UST: variants seen among roughly 807,000 people sequenced by gnomAD.
The protein encoded by UST is uronyl 2-sulfotransferase.
In UST, 21 loss-of-function variants were observed where a neutral mutation model predicts 45.6. The observed-to-expected ratio is 0.46, with a 90% confidence interval of 0.33 to 0.66. The LOEUF (loss-of-function observed/expected upper bound fraction) is 0.66. Ranked by LOEUF, UST falls within the 30% of genes least tolerant of loss-of-function variation. UST has a pLI of 0.02. For missense variants in UST, 463 were observed against 512.4 expected, an observed-to-expected ratio of 0.90 and a Z score of 0.93; for synonymous variants, 215 against 200.6, an observed-to-expected ratio of 1.07 and a Z score of -0.61.
intron 7 of UST, among the ~76,000 whole-genome samples, chr6:149,044,412 TC>T: frequency 6.6e-6 from 1 of 152,336 alleles, no homozygotes; most frequent in Non-Finnish European, 1.5e-5. Flanking sequence ...GTCTCCCATT[TC>T]CCCTCACTCT....
intron 2 of UST, among the ~76,000 whole-genome samples, chr6:148,914,158 T>C (rs770567259): frequency 3.3e-5 from 5 of 152,250 alleles, no homozygotes; most frequent in Non-Finnish European, 7.3e-5. Flanking sequence ...TAAGTGGTGC[T>C]GAATGTTTTC....
chr6:148,782,661 G>A (rs1562256022), intron 1 of UST, among the ~76,000 whole-genome samples: 1 of 152,050 alleles, frequency 6.6e-6, no homozygotes, highest in African/African-American at 2.4e-5. Flanking sequence ...ATGTTGGTCA[G>A]GCTGGTCTCT....
In UST at chr6:148,790,285, T is replaced by C. The variant is rs1323415316; in HGVS notation, c.247+42608T>C. Among the ~76,000 whole-genome samples, 1 of 152,108 alleles carries C rather than the reference T, an allele frequency of 6.6e-6. No individual in the cohort carries two copies. The highest frequency in any genetic ancestry group is 2.4e-5 in the African/African-American group (1 of 41,344). On this transcript the variant is annotated intron_variant, in intron 1 of 7. Coordinates refer to ENST00000367463, the MANE Select transcript of UST (RefSeq NM_005715.3). The surrounding 1 kb of genome is among the most constrained non-coding windows in gnomAD (Gnocchi z 4.2). ...CTGTGCCTCCAACTGGAATGAAAGC[T>C]TCTGGGAGTAGAGACCCCGTTTTGC...
chr6:148,830,532 G>A (rs1777663992), intron 1 of UST, among the ~76,000 whole-genome samples: 1 of 152,138 alleles, frequency 6.6e-6, no homozygotes, highest in African/African-American at 2.4e-5. Flanking sequence ...TGTGACCACT[G>A]CCCTTGATCA....
chr6:148,948,091 C>A (rs1562309265), intron 3 of UST, among the ~76,000 whole-genome samples: 1 of 152,112 alleles, frequency 6.6e-6, no homozygotes. Context: ...TCATTGCAGG[C>A]GTGTGTTGCG....
intron 2 of UST, among the ~76,000 whole-genome samples, chr6:148,887,711 CT>C (rs1778938665): frequency 6.6e-6 from 1 of 152,106 alleles, no homozygotes; most frequent in Non-Finnish European, 1.5e-5. Context: ...GTCCCTTGTA[CT>C]TTTTTGACAT....
At chr6:149,050,692 C>G (rs1398387202) in intron 7 of UST, among the ~76,000 whole-genome samples, 1 of 152,114 alleles carries the variant, frequency 6.6e-6, no homozygotes, top group Non-Finnish European at 1.5e-5. Flanking sequence ...AAACTTTGGA[C>G]TTTTCTTTGG....
chr6:148,762,967 A>C (rs1776248867), intron 1 of UST, among the ~76,000 whole-genome samples: 1 of 152,176 alleles, frequency 6.6e-6, no homozygotes, highest in Non-Finnish European at 1.5e-5. Context: ...ATAAACATAC[A>C]AGGGCAGGTG....
At chr6:149,059,993 T>G (rs990288271) in intron 7 of UST, among the ~76,000 whole-genome samples, 1 of 152,164 alleles carries the variant, frequency 6.6e-6, no homozygotes, top group African/African-American at 2.4e-5. Context: ...AGACCAATAC[T>G]TTCTCTTCCT....
intron 1 of UST, among the ~76,000 whole-genome samples, chr6:148,756,308 T>G (rs1408128767): frequency 6.6e-6 from 1 of 152,116 alleles, no homozygotes; most frequent in Non-Finnish European, 1.5e-5. Flanking sequence ...TCTGCCATCA[T>G]TGTAAGTTTC....
At chr6:148,878,244 AGATCGTGTATGAGTGCG>A (rs1778739975) in intron 1 of UST, among the ~76,000 whole-genome samples, 1 of 45,254 alleles carries the variant, frequency 2.2e-5, no homozygotes, top group African/African-American at 1.0e-4. Context: ...ATGAGTGCGG[AGATCGTGTATGAGTGCG>A]GAGATCGTGT....
At chr6:148,885,374 C>A (rs1283030419) in intron 1 of UST, among the ~76,000 whole-genome samples, 1 of 152,154 alleles carries the variant, frequency 6.6e-6, no homozygotes, top group Non-Finnish European at 1.5e-5. Context: ...TAGGCACAGG[C>A]AGCTATTTTT....
intron 7 of UST, among the ~76,000 whole-genome samples, chr6:149,071,638 A>G (rs554881731): frequency 6.6e-6 from 1 of 152,182 alleles, no homozygotes; most frequent in East Asian, 1.9e-4. Flanking sequence ...CATTAAAATT[A>G]AAAACTTTTA....
At chr6:149,038,725 G>A (rs2500506) in intron 7 of UST, among the ~76,000 whole-genome samples, 147,674 of 152,296 alleles carry the variant, frequency 0.97, 71,620 homozygotes, top group East Asian at 1. Context: ...CAAAGCAGCT[G>A]TGAGGAGCAA....
intron 3 of UST, among the ~76,000 whole-genome samples, chr6:148,945,414 A>G (rs977446344): frequency 6.6e-6 from 1 of 152,198 alleles, no homozygotes; most frequent in Non-Finnish European, 1.5e-5. Context: ...TTTAAAACCT[A>G]GAGTTGCAGT....
intron 7 of UST, among the ~76,000 whole-genome samples, chr6:149,024,124 G>A (rs1378542622): frequency 5.3e-5 from 8 of 152,176 alleles, no homozygotes; most frequent in Middle Eastern, 3.2e-3. Context: ...CTGGACTAGC[G>A]GTTAAAACAG....
At chr6:149,049,962 C>CACACACACACACACAG (rs574284527) in intron 7 of UST, among the ~76,000 whole-genome samples, 2 of 146,996 alleles carry the variant, frequency 1.4e-5, no homozygotes, top group African/African-American at 5.0e-5. Flanking sequence ...CACACACACA[C>CACACACACACACACAG]ACACGTGGCC....
chr6:148,938,295 G>A (rs1780057778), intron 2 of UST, among the ~76,000 whole-genome samples: 1 of 152,108 alleles, frequency 6.6e-6, no homozygotes, highest in South Asian at 2.1e-4. Flanking sequence ...GCACTGTGAG[G>A]ACACATAGTA....
At chr6:149,030,147 T>G (rs1206932501) in intron 7 of UST, among the ~76,000 whole-genome samples, 1 of 151,996 alleles carries the variant, frequency 6.6e-6, no homozygotes, top group African/African-American at 2.4e-5. Context: ...AAACCAAGGC[T>G]CAAAGAGGCT....
Sources: gnomAD v4.1 joint callset for allele counts (sites outside exome capture counted in the v4.1 genomes callset) on GRCh38, gnomAD v4.1.1 for gene constraint, Gnocchi (gnomAD v3.1) non-coding constraint, MANE v1.5 for transcripts, NCBI Gene and HGNC (gene_info 2026-07-23, HGNC 2026-07-21) for gene names.